PLVAP: variants seen among roughly 807,000 people sequenced by gnomAD.
PLVAP encodes plasmalemma vesicle associated protein.
PLVAP carries 34 observed loss-of-function variants against 43.1 expected under a neutral mutation model. The observed-to-expected ratio is 0.79, with a 90% CI of 0.60 to 1.05. PLVAP has a LOEUF of 1.05. Ranked by LOEUF, PLVAP falls within the 50% of genes least tolerant of loss-of-function variation. PLVAP has a pLI of 0.00. For synonymous variants in PLVAP, 241 were observed against 237.3 expected, an observed-to-expected ratio of 1.02 and a Z score of -0.14; for missense variants, 574 against 593.4, an observed-to-expected ratio of 0.97 and a Z score of 0.34.
intron 1 of PLVAP, among the ~76,000 whole-genome samples, chr19:17,368,050 A>G (rs143291723): frequency 7.7e-6 from 1 of 130,334 alleles, no homozygotes; most frequent in Non-Finnish European, 1.6e-5. Context: ...GGGGCCCACC[A>G]CCCTGCCCGG....
rs764142922 is a variant in PLVAP at position 17,377,339 on chromosome 19, C to T, written c.-51G>A. 7.1e-7 allele frequency: 1 copy of T among 1,414,358 alleles called. No homozygotes were observed. The highest frequency in any genetic ancestry group is 9.8e-7 in the Non-Finnish European group (1 of 1,018,852). The allele number at this position is 1,414,358 out of a possible 1,614,324, so 87.6% of individuals were successfully genotyped here. A position where few individuals can be genotyped will look rare whatever the true frequency, so the allele number is the denominator to read the frequency against. ...CCGTCCCTGCTCACCACCAGGCCTG[C>T]TCTGGCCCCCGCCTCGCAGGGGGGA... On this transcript the variant is annotated 5_prime_UTR_variant, in exon 1 of 6. Coordinates refer to ENST00000252590, the MANE Select transcript of PLVAP (RefSeq NM_031310.3).
chr19:17,359,620 G>T (rs190545870), intron 5 of PLVAP, among the ~76,000 whole-genome samples: 1 of 151,370 alleles, frequency 6.6e-6, no homozygotes, highest in Non-Finnish European at 1.5e-5. Context: ...TGGCCAGATG[G>T]TCTTGATCTC....
At chr19:17,353,420 C>T (rs1244968234) in intron 5 of PLVAP, among the ~76,000 whole-genome samples, 2 of 152,340 alleles carry the variant, frequency 1.3e-5, no homozygotes, top group East Asian at 1.9e-4. Context: ...GCACATCCCC[C>T]GTCTGCTCAG....
At chr19:17,370,023 A>G (rs6512187) in intron 1 of PLVAP, among the ~76,000 whole-genome samples, 15,387 of 142,840 alleles carry the variant, frequency 0.11, 1,721 homozygotes, top group African/African-American at 0.28. Context: ...AAAAAAAAAA[A>G]AAAGAAAGAT....
At chr19:17,363,044 A>T (rs187801314) in intron 3 of PLVAP, among the ~76,000 whole-genome samples, 1 of 152,176 alleles carries the variant, frequency 6.6e-6, no homozygotes, top group East Asian at 1.9e-4. Flanking sequence ...CTACGCTCAA[A>T]CTCAGCCTCG....
rs1568371796 is a variant in PLVAP, at chr19:17,352,354, G to A, written c.*8C>T. ...GGCCATCCCTTGGTCCTCAGGCCTG[G>A]AGCCTCCTCAGCCACTAGGGCAGGA... is the stretch of plus-strand genomic sequence containing the variant. On this transcript the variant is annotated 3_prime_UTR_variant, in exon 6 of 6. Coordinates refer to ENST00000252590, the MANE Select transcript of PLVAP (RefSeq NM_031310.3). The A allele has an allele frequency of 6.2e-7, 1 of 1,613,614 alleles. No individual in the cohort carries two copies. Among genetic ancestry groups the A allele is most frequent in the South Asian group, 1.1e-5 (1 of 91,094 alleles).
At chr19:17,374,884 T>A (rs540387596) in intron 1 of PLVAP, among the ~76,000 whole-genome samples, 1 of 151,376 alleles carries the variant, frequency 6.6e-6, no homozygotes, top group South Asian at 2.1e-4. Flanking sequence ...AGTAGTGAGA[T>A]CTCGGCTCAC....
chr19:17,366,193 G>A lies in PLVAP; in HGVS notation c.372C>T (p.Val124=). Residue 124 remains valine, a splice_region_variant and synonymous_variant, in exon 2 of 6, where the codon GTC becomes GTT. Transcript: ENST00000252590. ...ASFRQCQGDR[V]IYTNNQRYMA... is the part of the protein sequence containing the mutation. ...TGTACCTCTGATTGTTCGTGTAGAT[G>A]ACCTGCCCGGAAGATAGGGGAAGGA... 2.5e-6 allele frequency: 4 copies of A among 1,613,416 alleles called. No homozygotes were observed. Among genetic ancestry groups the A allele is most frequent in the East Asian group, 2.2e-5 (1 of 44,846 alleles).
chr19:17,358,281 A>T, intron 5 of PLVAP, among the ~76,000 whole-genome samples: 1 of 143,258 alleles, frequency 7.0e-6, no homozygotes, highest in Non-Finnish European at 1.5e-5. Context: ...AAAAAAAAAA[A>T]GAAGAAGAGG....
intron 3 of PLVAP, among the ~76,000 whole-genome samples, chr19:17,363,888 G>A (rs12460827): frequency 0.4 from 60,226 of 150,750 alleles, 12,036 homozygotes; most frequent in East Asian, 0.51. Flanking sequence ...GACTACAGGC[G>A]CCCGCCACCA....
chr19:17,371,865 A>G (rs1010316037), intron 1 of PLVAP, among the ~76,000 whole-genome samples: 2 of 152,208 alleles, frequency 1.3e-5, no homozygotes, highest in African/African-American at 2.4e-5. Context: ...AACCCTCTGC[A>G]GAAATATAAT....
At chr19:17,354,773 C>A (rs2074499805) in intron 5 of PLVAP, among the ~76,000 whole-genome samples, 2 of 151,542 alleles carry the variant, frequency 1.3e-5, no homozygotes, top group African/African-American at 4.9e-5. Context: ...TGGTGGCCAC[C>A]TGTAGTCCCA....
intron 3 of PLVAP, among the ~76,000 whole-genome samples, chr19:17,363,520 C>G (rs1280903280): frequency 4.0e-5 from 6 of 151,758 alleles, no homozygotes; most frequent in Non-Finnish European, 7.4e-5. Context: ...ACACAGTACC[C>G]AAAATGTAGG....
intron 5 of PLVAP, among the ~76,000 whole-genome samples, chr19:17,357,479 AT>A (rs2074511000): frequency 6.6e-6 from 1 of 152,052 alleles, no homozygotes. Context: ...CCTGGGCAAC[AT>A]AGCAAGACCC....
chr19:17,355,299 C>T (rs903197485), intron 5 of PLVAP, among the ~76,000 whole-genome samples: 5 of 151,182 alleles, frequency 3.3e-5, no homozygotes, highest in Admixed American at 2.0e-4. Flanking sequence ...AAAAGCTCTT[C>T]CCATTGCAAT....
At chr19:17,354,074 G>C (rs931004859) in intron 5 of PLVAP, among the ~76,000 whole-genome samples, 2 of 152,082 alleles carry the variant, frequency 1.3e-5, no homozygotes, top group African/African-American at 4.8e-5. Context: ...GGGATCATTT[G>C]AGGCTAGGAG....
At chr19:17,356,679 G>A (rs1272259554) in intron 5 of PLVAP, among the ~76,000 whole-genome samples, 1 of 151,848 alleles carries the variant, frequency 6.6e-6, no homozygotes, top group Non-Finnish European at 1.5e-5. Context: ...ATAAGAGTGG[G>A]TCGGGTGTGA....
intron 1 of PLVAP, among the ~76,000 whole-genome samples, chr19:17,375,075 G>A (rs1378807427): frequency 6.6e-6 from 1 of 152,094 alleles, no homozygotes; most frequent in Non-Finnish European, 1.5e-5. Flanking sequence ...ACCCACCTTG[G>A]CCTCTCACAG....
rs149417306 is a variant in PLVAP, at chr19:17,377,004, C to G, written c.285G>C (p.Lys95Asn). Residue 95 changes from lysine to asparagine, a missense_variant, in exon 1 of 6, where the codon AAG becomes AAC. Physicochemically the swap from Lys to Asn is moderately conservative, Grantham distance 94. Coordinates refer to ENST00000252590, the MANE Select transcript of PLVAP (RefSeq NM_031310.3). ...TCAGCCACATCTGCATGATGGCATC[C>G]TTGGCGCGGGTGGTGAAGTTGAGCT... ...TKELNFTTRA[K>N]DAIMQMWLNA... 7.4e-6 allele frequency: 12 copies of G among 1,614,012 alleles called. No homozygotes were observed. Among genetic ancestry groups the G allele is most frequent in the Non-Finnish European group, 1.0e-5 (12 of 1,180,030 alleles).
Sources: gnomAD v4.1 joint callset for allele counts (sites outside exome capture counted in the v4.1 genomes callset) on GRCh38, gnomAD v4.1.1 for gene constraint, MANE v1.5 for transcripts, NCBI Gene and HGNC (gene_info 2026-07-23, HGNC 2026-07-21) for gene names.